Variants in LPP observed in about 807,000 individuals in gnomAD.
LPP encodes the protein LIM domain containing preferred translocation partner in lipoma.
LPP carries 38 observed loss-of-function variants against 60.4 expected under a neutral mutation model. That is an observed-to-expected ratio of 0.63 (90% CI 0.49 to 0.83). The LOEUF (loss-of-function observed/expected upper bound fraction) is 0.83. LPP is among the 40% of genes least tolerant of loss of function. LPP has a pLI of 0.00. For synonymous variants in LPP, 328 were observed against 290.8 expected (o/e 1.13, Z -1.30); for missense variants, 902 against 783.6 (o/e 1.15, Z -1.80).
intron 9 of LPP, among the ~76,000 whole-genome samples, chr3:188,785,547 T>TATATATATATATAC (rs1206082559): frequency 4.6e-5 from 2 of 43,846 alleles, no homozygotes; most frequent in African/African-American, 1.9e-4. Flanking sequence ...TATATATATA[T>TATATATATATATAC]ACACACACAC....
chr3:188,155,961 G>GT, intron 1 of LPP, among the ~76,000 whole-genome samples: 1 of 152,248 alleles, frequency 6.6e-6, no homozygotes, highest in Admixed American at 6.5e-5. Context: ...GTTGCAGTGA[G>GT]TTGAGATCAC....
intron 1 of LPP, among the ~76,000 whole-genome samples, chr3:188,192,479 C>T (rs998098814): frequency 4.6e-5 from 7 of 152,156 alleles, no homozygotes; most frequent in African/African-American, 1.7e-4. Flanking sequence ...AAGATGAGAC[C>T]ATTTTTATTT....
Position 188,875,007 on chromosome 3 carries a change from A to AT in LPP, c.*537dup, listed in dbSNP as rs948820908. 2.4e-4 allele frequency: 53 copies of AT among 222,078 alleles called. No individual in the cohort carries two copies. Among genetic ancestry groups the AT allele is most frequent in the East Asian group, 4.6e-4 (7 of 15,168 alleles). 13.8% of individuals were successfully genotyped at this position (222,078 alleles called of 1,614,324 possible). A position where few individuals can be genotyped will look rare whatever the true frequency, so the allele number is the denominator to read the frequency against. ...ACGTCCTTGGGGAGGGAAATGCACAATTTTTTTTTGTTAGGCTGTAAAGAA... is the reference window on the plus strand; with the variant it reads ...ACGTCCTTGGGGAGGGAAATGCACAATTTTTTTTTTGTTAGGCTGTAAAGAA... On this transcript the variant is annotated 3_prime_UTR_variant, in exon 12 of 12. Coordinates refer to ENST00000617246, the MANE Select transcript of LPP (RefSeq NM_001375462.1).
intron 2 of LPP, among the ~76,000 whole-genome samples, chr3:188,272,824 T>C (rs1326140566): frequency 6.6e-6 from 1 of 152,222 alleles, no homozygotes; most frequent in Non-Finnish European, 1.5e-5. Context: ...AATAATTTGT[T>C]GACTATGACT....
chr3:188,466,809 A>C (rs1800513801), intron 4 of LPP, among the ~76,000 whole-genome samples: 2 of 87,242 alleles, frequency 2.3e-5, no homozygotes, highest in African/African-American at 1.1e-4. Flanking sequence ...CTCAGAACAT[A>C]TATATATATA....
intron 8 of LPP, among the ~76,000 whole-genome samples, chr3:188,729,268 A>G (rs1017485140): frequency 1.3e-5 from 2 of 152,238 alleles, no homozygotes; most frequent in Non-Finnish European, 2.9e-5. Flanking sequence ...AGGGACAAGT[A>G]GTGGGACAAG....
At chr3:188,734,244 T>TA (rs1721700585) in intron 8 of LPP, among the ~76,000 whole-genome samples, 1 of 152,236 alleles carries the variant, frequency 6.6e-6, no homozygotes, top group Non-Finnish European at 1.5e-5. Context: ...GGTGTTATAA[T>TA]TCAGTCATTC....
intron 6 of LPP, among the ~76,000 whole-genome samples, chr3:188,600,206 T>C (rs1359524187): frequency 6.7e-6 from 1 of 148,334 alleles, no homozygotes; most frequent in Non-Finnish European, 1.5e-5. Context: ...TTCTGATATA[T>C]ATTATGTTAA....
intron 7 of LPP, among the ~76,000 whole-genome samples, chr3:188,624,992 A>G (rs181184720): frequency 6.8e-4 from 103 of 150,434 alleles, no homozygotes; most frequent in Non-Finnish European, 1.0e-3. Flanking sequence ...GCAAGATGTT[A>G]TCATGTGAGG....
rs373067080 is a variant in LPP at position 188,563,460 on chromosome 3, A to ATATGTGTGTGTG, written c.429+38674_429+38675insATGTGTGTGTGT. Among the ~76,000 whole-genome samples, 113 of 142,034 alleles carry ATATGTGTGTGTG rather than the reference A, an allele frequency of 8.0e-4. 1 individual carries two copies. The highest frequency in any genetic ancestry group is 2.2e-3 in the African/African-American group (83 of 37,626). 93.2% of individuals were successfully genotyped at this position (142,034 alleles called of 152,430 possible). ...CATTTATGTATACATTTACATATAT[A>ATATGTGTGTGTG]TGTGTGTGTGTGTGTGTGTGTGTGT... On this transcript the variant is annotated intron_variant, in intron 6 of 11. Coordinates refer to ENST00000617246, the MANE Select transcript of LPP (RefSeq NM_001375462.1).
chr3:188,889,503 G>A lies in LPP; in HGVS notation c.*15024G>A, dbSNP rs1771030726. ...GTTGGCTCCATATTCACTTGAATAT[G>A]CCTCTGTTTGGGCAAAGCAAGATAC... On this transcript the variant is annotated 3_prime_UTR_variant, in exon 12 of 12. Coordinates refer to ENST00000617246, the MANE Select transcript of LPP (RefSeq NM_001375462.1). 1 of 230,014 alleles carries A rather than the reference G, an allele frequency of 4.3e-6. No individual in the cohort carries two copies. The highest frequency in any genetic ancestry group is 1.8e-4 in the South Asian group (1 of 5,502). The allele number at this position is 230,014 out of a possible 1,614,324, so 14.2% of individuals were successfully genotyped here. A position where few individuals can be genotyped will look rare whatever the true frequency, so the allele number is the denominator to read the frequency against.
At chr3:188,490,706 G>T (rs1467437562) in intron 5 of LPP, among the ~76,000 whole-genome samples, 3 of 147,010 alleles carry the variant, frequency 2.0e-5, no homozygotes, top group Admixed American at 6.8e-5. Flanking sequence ...GTTTAACAAT[G>T]ATAATTTGAA....
chr3:188,467,117 A>T (rs1378297777), intron 4 of LPP, among the ~76,000 whole-genome samples: 2 of 151,732 alleles, frequency 1.3e-5, no homozygotes, highest in East Asian at 3.9e-4. Flanking sequence ...AAGAAAAGCA[A>T]TCCTATGGGG....
At chr3:188,527,247 G>GA (rs1560522175) in intron 6 of LPP, among the ~76,000 whole-genome samples, 2 of 151,118 alleles carry the variant, frequency 1.3e-5, no homozygotes, top group African/African-American at 4.9e-5. Flanking sequence ...CTATTCGGGA[G>GA]GCTGAGGCAG....
chr3:188,363,883 C>T (rs9848418), intron 3 of LPP, among the ~76,000 whole-genome samples: 35,051 of 122,712 alleles, frequency 0.29, 4,619 homozygotes, highest in African/African-American at 0.39. Flanking sequence ...CCAGCCTGGA[C>T]GAAAGAGTGA....
At chr3:188,292,450 G>C (rs1317875299) in intron 2 of LPP, among the ~76,000 whole-genome samples, 2 of 152,178 alleles carry the variant, frequency 1.3e-5, no homozygotes, top group Admixed American at 6.5e-5. Flanking sequence ...AGTTCTGATT[G>C]CAGAGTGCCT....
chr3:188,342,650 A>G (rs1256364357), intron 3 of LPP, among the ~76,000 whole-genome samples: 5 of 152,212 alleles, frequency 3.3e-5, no homozygotes, highest in Middle Eastern at 3.2e-3. Flanking sequence ...TGTTATATCT[A>G]TGACCTCGAA....
intron 4 of LPP, among the ~76,000 whole-genome samples, chr3:188,455,794 T>C (rs1220979950): frequency 6.6e-6 from 1 of 152,204 alleles, no homozygotes; most frequent in Non-Finnish European, 1.5e-5. Context: ...TCTTTTTACT[T>C]AGGGAACAAA....
At chr3:188,619,658 T>A (rs1177654946) in intron 7 of LPP, among the ~76,000 whole-genome samples, 1 of 152,208 alleles carries the variant, frequency 6.6e-6, no homozygotes, top group Non-Finnish European at 1.5e-5. Flanking sequence ...CCTACAGATA[T>A]TAAAACATTT....
Sources: allele counts gnomAD v4.1 joint callset (sites outside exome capture counted in the v4.1 genomes callset), GRCh38; gene constraint gnomAD v4.1.1; transcripts MANE v1.5; gene names NCBI Gene and HGNC (gene_info 2026-07-23, HGNC 2026-07-21).